LRPAP1: variants seen among roughly 807,000 people sequenced by gnomAD.
LRPAP1 encodes LDL receptor related protein associated protein 1.
A neutral mutation model predicts 39.9 loss-of-function variants in LRPAP1; 41 were observed. That is an observed-to-expected ratio of 1.03 (90% CI 0.80 to 1.33). LRPAP1 has a LOEUF of 1.33. LRPAP1 is among the 40% of genes most tolerant of loss of function. LRPAP1 has a pLI of 0.00. For synonymous variants in LRPAP1, 263 were observed against 212.7 expected (o/e 1.24, Z -2.06); for missense variants, 565 against 482.3 (o/e 1.17, Z -1.61).
At chr4:3,521,584 T>C (rs145756188) in intron 2 of LRPAP1, among the ~76,000 whole-genome samples, 117 of 152,316 alleles carry the variant, frequency 7.7e-4, no homozygotes, top group African/African-American at 2.6e-3. Flanking sequence ...TGATCCCTCC[T>C]GTCTCACTCT....
At chr4:3,528,094 G>A (rs1470577653) in intron 1 of LRPAP1, among the ~76,000 whole-genome samples, 1 of 152,214 alleles carries the variant, frequency 6.6e-6, no homozygotes, top group Non-Finnish European at 1.5e-5. Flanking sequence ...TCTGTGCAGA[G>A]GAAGACCAGC....
intron 2 of LRPAP1, 124 bp from the exon 3 acceptor site, chr4:3,520,317 A>C: frequency 9.9e-7 from 1 of 1,005,990 alleles, no homozygotes; most frequent in South Asian, 1.6e-5. Flanking sequence ...GTTTCCTTTC[A>C]CCTGTTTCCT....
intron 2 of LRPAP1, among the ~76,000 whole-genome samples, chr4:3,523,918 G>A (rs907199316): frequency 7.2e-5 from 11 of 152,110 alleles, no homozygotes; most frequent in African/African-American, 2.7e-4. Context: ...AGGAGGAAAC[G>A]GAGGTGGGGG....
chr4:3,514,126 T>C (rs1040883900), intron 7 of LRPAP1, among the ~76,000 whole-genome samples: 2 of 152,268 alleles, frequency 1.3e-5, no homozygotes, highest in Non-Finnish European at 2.9e-5. Context: ...GCTGCTCTCC[T>C]GCACATTCTG....
At chr4:3,527,584 A>C (rs1225602130) in intron 1 of LRPAP1, among the ~76,000 whole-genome samples, 1 of 152,242 alleles carries the variant, frequency 6.6e-6, no homozygotes, top group East Asian at 1.9e-4. Flanking sequence ...TGCGAGGCCC[A>C]CAGTGATGGT....
chr4:3,525,488 C>T (rs1183765806), intron 1 of LRPAP1, among the ~76,000 whole-genome samples: 2 of 152,116 alleles, frequency 1.3e-5, no homozygotes, highest in Admixed American at 1.3e-4. Flanking sequence ...TCAGATCTGC[C>T]CCATCTTCAT....
Position 3,510,657 on chromosome 4 carries a change from C to T in LRPAP1, c.*2317G>A, listed in dbSNP as rs1729479060. On this transcript the variant is annotated 3_prime_UTR_variant, in exon 8 of 8. Coordinates refer to ENST00000650182, the MANE Select transcript of LRPAP1 (RefSeq NM_002337.4). The stretch of plus-strand genomic sequence containing the variant: ...GATACACACGCGGCACACACCCACA[C>T]AACAGGCCGCCACGCGGCAATCAGG... 1 of 152,318 alleles carries T rather than the reference C, an allele frequency of 6.6e-6. No individual in the cohort carries two copies. The highest frequency in any genetic ancestry group is 1.5e-5 in the Non-Finnish European group (1 of 68,080). The allele number at this position is 152,318 out of a possible 1,614,324, so 9.4% of individuals were successfully genotyped here.
chr4:3,505,212 A>G lies in LRPAP1; in HGVS notation c.*7762T>C, dbSNP rs1408120265. 1.3e-5 allele frequency among the ~76,000 whole-genome samples: 2 copies of G among 152,182 alleles called. No individual in the cohort carries two copies. Among genetic ancestry groups the G allele is most frequent in the Admixed American group, 6.5e-5 (1 of 15,292 alleles). On this transcript the variant is annotated 3_prime_UTR_variant, in exon 8 of 8. Transcript: ENST00000650182. ...ACCGTGTCCTGGACAGCCCAGCTCG[A>G]GGCTGCTCTTCAGCCCCAGCCCCTG...
rs139103216 is a variant in LRPAP1, at chr4:3,524,944, A to C, written c.312T>G (p.Asp104Glu). 1 of 1,614,128 alleles carries C rather than the reference A, an allele frequency of 6.2e-7. No individual in the cohort carries two copies. Among genetic ancestry groups the C allele is most frequent in the East Asian group, 2.2e-5 (1 of 44,882 alleles). Residue 104 changes from aspartate to glutamate, a missense_variant, in exon 2 of 8, where the codon GAT becomes GAG. Physicochemically the swap from Asp to Glu is conservative, Grantham distance 45 (BLOSUM62 2). Coordinates refer to ENST00000650182, the MANE Select transcript of LRPAP1 (RefSeq NM_002337.4). ...KKLKLDGLDE[D>E]GEKEARLIRN... ...GTATGAGTCTCGCTTCCTTCTCCCC[A>C]TCTTCGTCCAAGCCGTCAAGCTTTA...
Position 3,532,189 on chromosome 4 carries a change from C to G in LRPAP1, c.204+20G>C, listed in dbSNP as rs749022509. 224 of 1,190,032 alleles carry G rather than the reference C, an allele frequency of 1.9e-4. 3 individuals carry two copies. In the African/African-American group the frequency reaches 2.9e-3, roughly 16 times the overall value. The allele number at this position is 1,190,032 out of a possible 1,614,324, so 73.7% of individuals were successfully genotyped here. ...CCCCCGCCCCCAGGCCCCGCTCCAC[C>G]GACCGCGGGCCGCGCTCACTCGCTG... On this transcript the variant is annotated intron_variant, in intron 1 of 7. Coordinates refer to ENST00000650182, the MANE Select transcript of LRPAP1 (RefSeq NM_002337.4).
intron 5 of LRPAP1, 153 bp downstream of exon 5, chr4:3,517,881 T>A: frequency 1.1e-6 from 1 of 888,376 alleles, no homozygotes; most frequent in South Asian, 2.1e-5. Flanking sequence ...GCGAGGCCTG[T>A]GACCACCCGT....
At chr4:3,524,867 G>A (rs1214664387) in intron 2 of LRPAP1, 40 bp downstream of exon 2, 1 of 1,604,724 alleles carries the variant, frequency 6.2e-7, no homozygotes, top group East Asian at 2.2e-5. Context: ...CATTTAGGAA[G>A]AGGGATACTC....
Position 3,514,820 on chromosome 4 carries a change from C to T in LRPAP1, c.943G>A (p.Glu315Lys), listed in dbSNP as rs747474387. The change falls in exon 7 of 8, where the codon GAG (glutamate) becomes AAG (lysine). Residue 315 changes from glutamate to lysine, a missense_variant. Glu to Lys is a moderately conservative substitution (Grantham distance 56, BLOSUM62 1). Transcript: ENST00000650182. ...TTCTCGCGGCTGCGGCTCACACGCT[C>T]GCCGTCGCCCACGCTCTCTGCGTGC... ...LRHAESVGDGERVSRSREKHA... is the reference protein window; with the variant it reads ...LRHAESVGDGKRVSRSREKHA... 6.8e-6 allele frequency: 11 copies of T among 1,613,332 alleles called. No homozygotes were observed. Among genetic ancestry groups the T allele is most frequent in the South Asian group, 3.3e-5 (3 of 91,096 alleles).
chr4:3,524,810 C>G (rs1303251356), intron 2 of LRPAP1, 97 bp downstream of exon 2: 1 of 1,423,894 alleles, frequency 7.0e-7, no homozygotes, highest in Non-Finnish European at 9.8e-7. Context: ...CAAATATTCC[C>G]AAATCCAAAA....
At chr4:3,513,177 T>C (rs1729587481) in intron 7 of LRPAP1, 141 bp from the exon 8 acceptor site, 1 of 635,234 alleles carries the variant, frequency 1.6e-6, no homozygotes, top group South Asian at 1.9e-5. Flanking sequence ...TCCACACCCA[T>C]CCAGAAATGC....
In LRPAP1 at chr4:3,522,539, C is replaced by T. The variant is rs796766548; in HGVS notation, c.350-2346G>A. Among the ~76,000 whole-genome samples the T allele has an allele frequency of 3.1e-4, 45 of 144,886 alleles. 2 individuals carry two copies. Among genetic ancestry groups the T allele is most frequent in the Middle Eastern group, 7.2e-3 (2 of 276 alleles). On this transcript the variant is annotated intron_variant, in intron 2 of 7. Transcript: ENST00000650182. ...TGGGGAGGACGGACGTCATCCCACA[C>T]GCCCTGCCCGGGGAGGACAGACGCC...
chr4:3,514,197 C>T (rs1281447064), intron 7 of LRPAP1, among the ~76,000 whole-genome samples: 1 of 152,236 alleles, frequency 6.6e-6, no homozygotes, highest in Admixed American at 6.5e-5. Flanking sequence ...TTTTTTAGGC[C>T]TTTGCTATTT....
At chr4:3,531,798 C>A (rs1194790349) in intron 1 of LRPAP1, among the ~76,000 whole-genome samples, 1 of 152,252 alleles carries the variant, frequency 6.6e-6, no homozygotes, top group East Asian at 1.9e-4. Flanking sequence ...TGTCCCTGGA[C>A]ACGTCTTTCT....
At chr4:3,523,070 C>G (rs1273853711) in intron 2 of LRPAP1, among the ~76,000 whole-genome samples, 4 of 152,188 alleles carry the variant, frequency 2.6e-5, no homozygotes, top group East Asian at 3.9e-4. Context: ...ACTAAGTTTT[C>G]TGCCAGGTCA....
Sources: gnomAD v4.1 joint callset for allele counts (sites outside exome capture counted in the v4.1 genomes callset) on GRCh38, gnomAD v4.1.1 for gene constraint, MANE v1.5 for transcripts, NCBI Gene and HGNC (gene_info 2026-07-23, HGNC 2026-07-21) for gene names.